SUCLA2: variants seen among roughly 807,000 people sequenced by gnomAD.
SUCLA2 encodes the protein succinate-CoA ligase ADP-forming subunit beta.
A neutral mutation model predicts 54.8 loss-of-function variants in SUCLA2; 30 were observed. The observed-to-expected ratio is 0.55, with a 90% CI of 0.41 to 0.74. The LOEUF is 0.74. Ranked by LOEUF, SUCLA2 falls within the 30% of genes least tolerant of loss-of-function variation. The pLI is 0.00. For synonymous variants in SUCLA2, 172 were observed against 188.9 expected (o/e 0.91, Z 0.74); for missense variants, 476 against 562.9 (o/e 0.85, Z 1.56).
At chr13:47,988,383 G>T in intron 4 of SUCLA2, 158 bp downstream of exon 4, 1 of 762,934 alleles carries the variant, frequency 1.3e-6, no homozygotes, top group Non-Finnish European at 2.0e-6. Flanking sequence ...CATTAAAGAA[G>T]CTGTTTTTTA....
At chr13:47,952,572 C>A (rs991339245) in intron 8 of SUCLA2, among the ~76,000 whole-genome samples, 2 of 152,070 alleles carry the variant, frequency 1.3e-5, no homozygotes, top group Non-Finnish European at 2.9e-5. Flanking sequence ...GTTAACTTAA[C>A]CAACCCTTCT....
intron 6 of SUCLA2, among the ~76,000 whole-genome samples, chr13:47,967,037 A>G (rs567649025): frequency 6.6e-6 from 1 of 152,194 alleles, no homozygotes; most frequent in African/African-American, 2.4e-5. Flanking sequence ...TTAAAAATAT[A>G]ATATTTTATA....
At chr13:47,959,907 A>T (rs1949854398) in intron 6 of SUCLA2, among the ~76,000 whole-genome samples, 1 of 152,240 alleles carries the variant, frequency 6.6e-6, no homozygotes, top group Non-Finnish European at 1.5e-5. Flanking sequence ...ATACATGCTT[A>T]CATTGCTTCA....
intron 5 of SUCLA2, among the ~76,000 whole-genome samples, chr13:47,970,447 G>A (rs773265888): frequency 2.0e-5 from 3 of 151,942 alleles, no homozygotes; most frequent in East Asian, 1.9e-4. Flanking sequence ...TCATCTTCAC[G>A]TAACTACCTA....
Position 47,964,612 on chromosome 13 carries a change from C to G in SUCLA2, c.802+3983G>C, listed in dbSNP as rs1280933518. Among the ~76,000 whole-genome samples the G allele has an allele frequency of 2.6e-5, 4 of 152,142 alleles. No individual in the cohort carries two copies. The South Asian group carries it at 6.2e-4, about 24-fold the overall frequency. ...GTGGCTCAAGCCTGTAATCCCAGCA[C>G]TTTGGGAGGCCAAGGCGGGCGGATC... On this transcript the variant is annotated intron_variant, in intron 6 of 10. Coordinates refer to ENST00000646932, the MANE Select transcript of SUCLA2 (RefSeq NM_003850.3).
chr13:47,990,469 A>G (rs1372785174), intron 2 of SUCLA2, among the ~76,000 whole-genome samples: 1 of 152,166 alleles, frequency 6.6e-6, no homozygotes, highest in Non-Finnish European at 1.5e-5. Flanking sequence ...AAAAAAAAAG[A>G]GTAATACCTC....
intron 4 of SUCLA2, among the ~76,000 whole-genome samples, chr13:47,985,700 C>T (rs1950097329): frequency 6.6e-6 from 1 of 151,972 alleles, no homozygotes; most frequent in Admixed American, 6.6e-5. Flanking sequence ...GTGAACATAC[C>T]GATGCATGTA....
At chr13:47,999,313 T>C (rs1425801958) in intron 1 of SUCLA2, among the ~76,000 whole-genome samples, 1 of 152,222 alleles carries the variant, frequency 6.6e-6, no homozygotes, top group Non-Finnish European at 1.5e-5. Flanking sequence ...TGGAAGAATG[T>C]CCTTATTCTT....
intron 4 of SUCLA2, among the ~76,000 whole-genome samples, chr13:47,974,088 TA>T (rs34269144): frequency 0.73 from 109,509 of 149,650 alleles, 40,796 homozygotes; most frequent in Non-Finnish European, 0.81. Flanking sequence ...AAAGTATAAT[TA>T]AAAAAAAAAA....
Position 47,943,295 on chromosome 13 carries a change from A to C in SUCLA2, c.*76T>G. ...ATCTCCACACACTAAAAAGAAAAAG[A>C]ACAATAACACAGAACACAGTATTCT... On this transcript the variant is annotated 3_prime_UTR_variant, in exon 11 of 11. Coordinates refer to ENST00000646932, the MANE Select transcript of SUCLA2 (RefSeq NM_003850.3). 7.0e-7 allele frequency: 1 copy of C among 1,429,826 alleles called. No individual in the cohort carries two copies. Among genetic ancestry groups the C allele is most frequent in the Non-Finnish European group, 9.9e-7 (1 of 1,013,910 alleles). The allele number at this position is 1,429,826 out of a possible 1,614,324, so 88.6% of individuals were successfully genotyped here. A position where few individuals can be genotyped will look rare whatever the true frequency, so the allele number is the denominator to read the frequency against.
intron 6 of SUCLA2, among the ~76,000 whole-genome samples, chr13:47,957,458 A>T (rs1244233440): frequency 6.6e-6 from 1 of 152,034 alleles, no homozygotes; most frequent in Non-Finnish European, 1.5e-5. Context: ...GCAGCTGCCC[A>T]CCCAGTTTTG....
chr13:47,997,049 A>G (rs773943440), intron 1 of SUCLA2, 26 bp from the exon 2 acceptor site: 16 of 1,613,526 alleles, frequency 9.9e-6, no homozygotes, highest in Non-Finnish European at 1.0e-5. Context: ...ACATATTTAT[A>G]TATGACAGTG....
chr13:47,992,441 CAAGA>C (rs1176352513), intron 2 of SUCLA2, among the ~76,000 whole-genome samples: 1 of 137,406 alleles, frequency 7.3e-6, no homozygotes, highest in African/African-American at 2.7e-5. Context: ...CATCAACTAT[CAAGA>C]AAGGAAGAAA....
rs566871522 is a variant in SUCLA2, at chr13:47,993,001, T to C, written c.271+3842A>G. 2.6e-5 allele frequency among the ~76,000 whole-genome samples: 4 copies of C among 151,996 alleles called. No homozygotes were observed. In the South Asian group the frequency reaches 8.3e-4, roughly 32 times the overall value. On this transcript the variant is annotated intron_variant, in intron 2 of 10. Coordinates refer to ENST00000646932, the MANE Select transcript of SUCLA2 (RefSeq NM_003850.3). ...TCCCAGCACTTTGGGAAGCCAAGGG[T>C]GGGTGGAAGGCTTGAGCCCCGGAGT...
intron 4 of SUCLA2, among the ~76,000 whole-genome samples, chr13:47,986,366 T>C (rs1158603366): frequency 3.3e-5 from 5 of 152,174 alleles, no homozygotes; most frequent in Non-Finnish European, 5.9e-5. Context: ...TTCATGTACT[T>C]TGCCCCCTTT....
chr13:47,991,157 C>A (rs1008222496), intron 2 of SUCLA2, among the ~76,000 whole-genome samples: 2 of 152,250 alleles, frequency 1.3e-5, no homozygotes, highest in South Asian at 2.1e-4. Context: ...GCAGCCAAAG[C>A]AGGCACACCA....
At chr13:47,971,921 G>C (rs1348050147) in intron 5 of SUCLA2, 1 of 398,538 alleles carries the variant, frequency 2.5e-6, no homozygotes, top group East Asian at 3.6e-5. Context: ...AGAGAAACCT[G>C]TAAGTTATAA....
At chr13:47,993,139 G>A (rs955140685) in intron 2 of SUCLA2, among the ~76,000 whole-genome samples, 1 of 152,198 alleles carries the variant, frequency 6.6e-6, no homozygotes, top group African/African-American at 2.4e-5. Context: ...GCTGAGACGG[G>A]AGAAGTGGCT....
intron 4 of SUCLA2, among the ~76,000 whole-genome samples, chr13:47,985,615 C>T (rs1462828580): frequency 6.6e-6 from 1 of 152,202 alleles, no homozygotes; most frequent in Admixed American, 6.5e-5. Flanking sequence ...ATATGTACCA[C>T]ATTTTCTTAT....
Sources: gnomAD v4.1 joint callset for allele counts (sites outside exome capture counted in the v4.1 genomes callset) on GRCh38, gnomAD v4.1.1 for gene constraint, MANE v1.5 for transcripts, NCBI Gene and HGNC (gene_info 2026-07-23, HGNC 2026-07-21) for gene names.